Variants in NDUFA10 observed in about 807,000 individuals in gnomAD.
NDUFA10 encodes NADH dehydrogenase [ubiquinone] 1 alpha subcomplex subunit 10, mitochondrial.
Under a neutral mutation model 47.8 loss-of-function variants are expected in NDUFA10, and 40 were observed. The observed-to-expected ratio is 0.84, with a 90% CI of 0.65 to 1.09. NDUFA10 has a LOEUF of 1.09. Among genes scored for constraint, NDUFA10 ranks in the 50% least tolerant of loss-of-function variants. The pLI is 0.00. For missense variants in NDUFA10, 413 were observed against 451.1 expected, an observed-to-expected ratio of 0.92 and a Z score of 0.76; for synonymous variants, 183 against 172.2, an observed-to-expected ratio of 1.06 and a Z score of -0.49.
intron 4 of NDUFA10, among the ~76,000 whole-genome samples, chr2:239,939,664 A>G (rs1322061732): frequency 3.3e-5 from 5 of 152,376 alleles, no homozygotes; most frequent in African/African-American, 1.2e-4. Flanking sequence ...GAATTTCTCC[A>G]CATCGACAAG....
At chr2:239,982,357 G>A in intron 9 of NDUFA10, 1 of 1,241,608 alleles carries the variant, frequency 8.1e-7, no homozygotes, top group Non-Finnish European at 1.1e-6. Flanking sequence ...TGTCTTGATT[G>A]TATTTACTGT....
chr2:240,018,473 A>G, intron 4 of NDUFA10, 80 bp downstream of exon 4: 1 of 1,612,782 alleles, frequency 6.2e-7, no homozygotes, highest in Non-Finnish European at 8.5e-7. Context: ...TCATAAACAC[A>G]GTAAGTGCAA....
At chr2:240,022,737 C>T (rs1697681423) in intron 1 of NDUFA10, among the ~76,000 whole-genome samples, 1 of 151,954 alleles carries the variant, frequency 6.6e-6, no homozygotes, top group Non-Finnish European at 1.5e-5. Context: ...GAATAAAAAA[C>T]ATTTCTCTAA....
At chr2:239,932,454 C>G (rs1202284782) in intron 4 of NDUFA10, among the ~76,000 whole-genome samples, 1 of 152,208 alleles carries the variant, frequency 6.6e-6, no homozygotes, top group Admixed American at 6.5e-5. Flanking sequence ...ACGGCACCCC[C>G]GCAAGCCCGC....
At chr2:239,973,501 T>C (rs1296243018) in intron 9 of NDUFA10, 4 of 470,676 alleles carry the variant, frequency 8.5e-6, no homozygotes, top group Admixed American at 2.4e-5. Context: ...GAAACAAAAA[T>C]AGCAGGCGAG....
At chr2:239,957,293 T>C (rs1481713439), downstream of NDUFA10, 1 of 152,232 alleles carries the variant, frequency 6.6e-6, no homozygotes, top group African/African-American at 2.4e-5. Flanking sequence ...AAAACCCACA[T>C]GACCACGCGT....
chr2:239,929,550 A>C lies in NDUFA10; in HGVS notation c.295-34236T>G, dbSNP rs928387183. Among the ~76,000 whole-genome samples, 3 of 152,232 alleles carry C rather than the reference A, an allele frequency of 2.0e-5. No individual in the cohort carries two copies. The South Asian group carries it at 6.2e-4, about 32-fold the overall frequency. The stretch of plus-strand genomic sequence containing the variant: ...GCTAGTGCACCTCACAAGCCCGGGA[A>C]GTGCGGCAGCCCTTGCTGCTCCAGC... On this transcript the variant is annotated intron_variant, in intron 4 of 5. Coordinates refer to the NDUFA10 transcript ENST00000419408.
At position 239,918,697 on chromosome 2, in the gene NDUFA10, G is replaced by A. The variant is rs190975274; in HGVS notation, c.295-23383C>T. 1.2e-4 allele frequency among the ~76,000 whole-genome samples: 19 copies of A among 152,342 alleles called. No individual in the cohort carries two copies. The East Asian group carries it at 1.4e-3, about 11-fold the overall frequency. On this transcript the variant is annotated intron_variant, in intron 4 of 5. Transcript: ENST00000419408. ...TCCACTTTATTCCCAGGTGTGGGTA[G>A]GGGTGGAGTTGGTGCCTCATCCTCA...
intron 4 of NDUFA10, among the ~76,000 whole-genome samples, chr2:239,935,831 G>T (rs1163034416): frequency 6.6e-6 from 1 of 152,186 alleles, no homozygotes; most frequent in Non-Finnish European, 1.5e-5. Flanking sequence ...CCATGATTGT[G>T]AGGCCTCCCC....
intron 8 of NDUFA10, among the ~76,000 whole-genome samples, chr2:240,001,635 C>T (rs1404149420): frequency 6.6e-6 from 1 of 152,218 alleles, no homozygotes; most frequent in Non-Finnish European, 1.5e-5. Flanking sequence ...CAATCATTTT[C>T]TTCTCAGAAA....
At chr2:239,901,220 AC>A (rs1343508728) in intron 4 of NDUFA10, among the ~76,000 whole-genome samples, 1 of 152,178 alleles carries the variant, frequency 6.6e-6, no homozygotes, top group Non-Finnish European at 1.5e-5. Context: ...AAATGAAACA[AC>A]AATGGCTGGG....
chr2:239,903,096 G>C (rs1379855756), intron 4 of NDUFA10, among the ~76,000 whole-genome samples: 1 of 152,136 alleles, frequency 6.6e-6, no homozygotes, highest in Non-Finnish European at 1.5e-5. Context: ...GTTCTTGTCT[G>C]ACCCAGCTCA....
At chr2:239,938,310 C>T (rs890563736) in intron 4 of NDUFA10, among the ~76,000 whole-genome samples, 1 of 152,196 alleles carries the variant, frequency 6.6e-6, no homozygotes, top group African/African-American at 2.4e-5. Flanking sequence ...GGCTGGCCGT[C>T]CCACACCTCC....
intron 8 of NDUFA10, among the ~76,000 whole-genome samples, chr2:240,002,993 G>C (rs1426069926): frequency 6.6e-6 from 1 of 151,934 alleles, no homozygotes; most frequent in Non-Finnish European, 1.5e-5. Context: ...GAAACTATAG[G>C]CATGCACCAC....
chr2:239,938,707 G>A (rs1694309968), intron 4 of NDUFA10, among the ~76,000 whole-genome samples: 1 of 152,106 alleles, frequency 6.6e-6, no homozygotes, highest in African/African-American at 2.4e-5. Context: ...CCGGCAGAGG[G>A]GACCTGTGGA....
chr2:239,949,068 A>G (rs1056920059), intron 4 of NDUFA10, among the ~76,000 whole-genome samples: 1 of 152,192 alleles, frequency 6.6e-6, no homozygotes, highest in Admixed American at 6.5e-5. Context: ...CCACGAATGC[A>G]ATGGACACAT....
chr2:239,970,720 T>G lies in NDUFA10; in HGVS notation c.1000-9534A>C, dbSNP rs556546497. Among the ~76,000 whole-genome samples, 10 of 152,154 alleles carry G rather than the reference T, an allele frequency of 6.6e-5. No homozygotes were observed. The South Asian group carries it at 2.1e-3, about 32-fold the overall frequency. ...GTGGATTGACTGTGACAAGTTAGAG[T>G]TGCCCGTGGTGAAACCCTACAGCAA... On this transcript the variant is annotated intron_variant, in intron 9 of 9. Coordinates refer to ENST00000252711, the MANE Select transcript of NDUFA10 (RefSeq NM_004544.4).
chr2:239,983,933 G>A (rs1242275336), intron 9 of NDUFA10, among the ~76,000 whole-genome samples: 1 of 152,134 alleles, frequency 6.6e-6, no homozygotes, highest in Admixed American at 6.5e-5. Flanking sequence ...CAAAGTGTGG[G>A]CTTTAGTTAA....
chr2:239,955,113 G>A (rs1309543319), downstream of NDUFA10, among the ~76,000 whole-genome samples: 2 of 152,198 alleles, frequency 1.3e-5, no homozygotes, highest in Non-Finnish European at 2.9e-5. Context: ...TCAATAGGAA[G>A]GAGTTTATTA....
Sources: gnomAD v4.1 joint callset for allele counts (sites outside exome capture counted in the v4.1 genomes callset) on GRCh38, gnomAD v4.1.1 for gene constraint, MANE v1.5 for transcripts, NCBI Gene and HGNC (gene_info 2026-07-23, HGNC 2026-07-21) for gene names.